BCL11B: variants seen among roughly 807,000 people sequenced by gnomAD.
The protein encoded by BCL11B is B-cell lymphoma/leukemia 11B.
BCL11B carries 8 observed loss-of-function variants against 49.9 expected under a neutral mutation model. The observed-to-expected ratio is 0.16, with a 90% confidence interval of 0.09 to 0.29. The LOEUF (loss-of-function observed/expected upper bound fraction) is 0.29, where lower values mean the gene tolerates loss of function less well. Among genes scored for constraint, BCL11B ranks in the 10% least tolerant of loss-of-function variants. The pLI, the probability that BCL11B is intolerant of heterozygous loss-of-function variation, is 1.00. For missense variants in BCL11B, 1,006 were observed against 1,351.0 expected (o/e 0.74, Z 4.00); for synonymous variants, 739 against 637.4 (o/e 1.16, Z -2.40).
rs914910479 is a variant in BCL11B at position 99,195,936 on chromosome 14, T to G, written c.641-19741A>C. Among the ~76,000 whole-genome samples, 9 of 152,152 alleles carry G rather than the reference T, an allele frequency of 5.9e-5. No individual in the cohort carries two copies. Among genetic ancestry groups the G allele is most frequent in the Non-Finnish European group, 1.2e-4 (8 of 68,036 alleles). On this transcript the variant is annotated intron_variant, in intron 3 of 3. Coordinates refer to ENST00000357195, the MANE Select transcript of BCL11B (RefSeq NM_138576.4). This position sits in a 1 kb window ranked among gnomAD's most constrained non-coding sequence, Gnocchi z 4.7. ...GCGCGGCACAGTGAGAACTGACATT[T>G]CTTCCTAGATAAATATCTGGAAAGA...
chr14:99,218,931 G>C (rs1887931618), intron 3 of BCL11B, among the ~76,000 whole-genome samples: 1 of 152,230 alleles, frequency 6.6e-6, no homozygotes, highest in South Asian at 2.1e-4. Context: ...GGAGAAAGCT[G>C]TGTGCCCACA....
intron 3 of BCL11B, among the ~76,000 whole-genome samples, chr14:99,186,134 G>A (rs1307240370): frequency 6.6e-6 from 1 of 152,258 alleles, no homozygotes; most frequent in South Asian, 2.1e-4. Flanking sequence ...GGTGTGCCAA[G>A]CAGTGTGGAA....
intron 2 of BCL11B, among the ~76,000 whole-genome samples, chr14:99,240,202 G>A (rs1888621466): frequency 6.6e-6 from 1 of 152,098 alleles, no homozygotes; most frequent in Non-Finnish European, 1.5e-5. Flanking sequence ...AGAAAGAAAG[G>A]AAGAGAGAGA....
chr14:99,209,617 G>A (rs1044493388), intron 3 of BCL11B, among the ~76,000 whole-genome samples: 2 of 152,132 alleles, frequency 1.3e-5, no homozygotes, highest in Non-Finnish European at 2.9e-5. Flanking sequence ...CCCCCGGCAG[G>A]GGAGAACCTC....
chr14:99,258,009 C>G (rs1294971462), intron 1 of BCL11B, among the ~76,000 whole-genome samples, 170 bp from the exon 2 acceptor site: 14 of 152,156 alleles, frequency 9.2e-5, no homozygotes, highest in Admixed American at 9.2e-4. Flanking sequence ...GTGAGCATCC[C>G]CCACAGGACA....
At chr14:99,235,944 G>T (rs781456159) in intron 2 of BCL11B, among the ~76,000 whole-genome samples, 1 of 151,906 alleles carries the variant, frequency 6.6e-6, no homozygotes, top group Non-Finnish European at 1.5e-5. Context: ...CAATCAAAAC[G>T]CCAGAGCCTG....
chr14:99,243,918 T>TAAAAAA (rs200999902), intron 2 of BCL11B, among the ~76,000 whole-genome samples: 1 of 128,106 alleles, frequency 7.8e-6, no homozygotes, highest in African/African-American at 2.7e-5. Flanking sequence ...ACATTGCTCC[T>TAAAAAA]AAAAAAAAAA....
intron 3 of BCL11B, among the ~76,000 whole-genome samples, chr14:99,212,559 C>T (rs1887718250): frequency 6.6e-6 from 1 of 152,188 alleles, no homozygotes; most frequent in Admixed American, 6.5e-5. Flanking sequence ...GCCTGGTCTC[C>T]CAGGACAGCC....
Position 99,173,892 on chromosome 14 carries a change from C to T in BCL11B, c.*259G>A. On this transcript the variant is annotated 3_prime_UTR_variant, in exon 4 of 4. Transcript: ENST00000357195. The stretch of plus-strand genomic sequence containing the variant: ...AAAATAATAATAAAAAGTACCTGCA[C>T]ATGCCAAAAAAATTACAAAACCCAA... 3.9e-6 allele frequency: 2 copies of T among 519,280 alleles called. No individual in the cohort carries two copies. Among genetic ancestry groups the T allele is most frequent in the Admixed American group, 3.7e-5 (1 of 26,932 alleles). 32.2% of individuals were successfully genotyped at this position (519,280 alleles called of 1,614,324 possible). A position where few individuals can be genotyped will look rare whatever the true frequency, so the allele number is the denominator to read the frequency against.
chr14:99,202,888 A>C (rs1167051301), intron 3 of BCL11B, among the ~76,000 whole-genome samples: 1 of 152,148 alleles, frequency 6.6e-6, no homozygotes, highest in East Asian at 1.9e-4. Context: ...TCAGGAAGGG[A>C]GTCAAACCAG....
chr14:99,250,019 TGA>T (rs917411950), intron 2 of BCL11B, among the ~76,000 whole-genome samples: 31 of 148,520 alleles, frequency 2.1e-4, no homozygotes, highest in African/African-American at 7.7e-4. Context: ...CTCAGGAGGC[TGA>T]GACAGGAGAA....
intron 3 of BCL11B, among the ~76,000 whole-genome samples, chr14:99,197,748 G>A (rs897531895): frequency 2.6e-5 from 4 of 152,136 alleles, no homozygotes; most frequent in Admixed American, 6.5e-5. Context: ...GCAGACAGAC[G>A]GCTGGAGCGG....
At chr14:99,267,900 T>C (rs1031985008) in intron 1 of BCL11B, among the ~76,000 whole-genome samples, 1 of 152,130 alleles carries the variant, frequency 6.6e-6, no homozygotes. Flanking sequence ...ACCGTGGACA[T>C]CTTATTTTCC....
chr14:99,221,261 C>T (rs1887999852), intron 3 of BCL11B, among the ~76,000 whole-genome samples: 1 of 152,234 alleles, frequency 6.6e-6, no homozygotes, highest in Admixed American at 6.5e-5. Context: ...TTAAATACAA[C>T]ACCAAGAGCA....
In BCL11B at chr14:99,171,998, G is replaced by A. The variant is rs367548332; in HGVS notation, c.*2153C>T. ...GTCACCAAAAGAAAACAATATACAC[G>A]CGGCCACTGTGGCATTTTTGTATAA... On this transcript the variant is annotated 3_prime_UTR_variant, in exon 4 of 4. Coordinates refer to ENST00000357195, the MANE Select transcript of BCL11B (RefSeq NM_138576.4). 4.9e-6 allele frequency: 1 copy of A among 204,598 alleles called. No individual in the cohort carries two copies. The highest frequency in any genetic ancestry group is 6.0e-5 in the Admixed American group (1 of 16,686). 12.7% of individuals were successfully genotyped at this position (204,598 alleles called of 1,614,324 possible).
chr14:99,268,842 T>G (rs941154574), intron 1 of BCL11B, among the ~76,000 whole-genome samples: 1 of 152,088 alleles, frequency 6.6e-6, no homozygotes, highest in African/African-American at 2.4e-5. Flanking sequence ...CTCCTTTGCC[T>G]CTCTCTTTTT....
intron 3 of BCL11B, among the ~76,000 whole-genome samples, chr14:99,182,525 G>C (rs1334422440): frequency 6.6e-6 from 1 of 152,194 alleles, no homozygotes; most frequent in Non-Finnish European, 1.5e-5. Flanking sequence ...CTTTTGGCTA[G>C]AATTGCAGTA....
Position 99,170,515 on chromosome 14 carries a change from T to TA in BCL11B, c.*3635dup. ...TACTTGGCTTTACAAAAAATAAAAA[T>TA]AAAATAGAGGATTAGGGGAGGAACA... On this transcript the variant is annotated 3_prime_UTR_variant, in exon 4 of 4. Coordinates refer to ENST00000357195, the MANE Select transcript of BCL11B (RefSeq NM_138576.4). 1 of 222,424 alleles carries TA rather than the reference T, an allele frequency of 4.5e-6. No homozygotes were observed. Among genetic ancestry groups the TA allele is most frequent in the Non-Finnish European group, 8.8e-6 (1 of 113,220 alleles). 13.8% of individuals were successfully genotyped at this position (222,424 alleles called of 1,614,324 possible).
At chr14:99,223,050 T>A (rs1437601729) in intron 3 of BCL11B, among the ~76,000 whole-genome samples, 1 of 152,196 alleles carries the variant, frequency 6.6e-6, no homozygotes, top group Non-Finnish European at 1.5e-5. Flanking sequence ...GTTCAGGGGT[T>A]GGTACGAGCT....
Sources: gnomAD v4.1 joint callset for allele counts (sites outside exome capture counted in the v4.1 genomes callset) on GRCh38, gnomAD v4.1.1 for gene constraint, Gnocchi (gnomAD v3.1) non-coding constraint, MANE v1.5 for transcripts, NCBI Gene and HGNC (gene_info 2026-07-23, HGNC 2026-07-21) for gene names.